The following TCF12 variants were observed in gnomAD, a reference collection of about 807,000 sequenced individuals.
The protein encoded by TCF12 is transcription factor 12.
TCF12 carries 45 observed loss-of-function variants against 86.0 expected under a neutral mutation model. The ratio of observed to expected loss-of-function variants is 0.52; its 90% confidence interval spans 0.41 to 0.67. The LOEUF (loss-of-function observed/expected upper bound fraction) is 0.67. Ranked by LOEUF, TCF12 falls within the 30% of genes least tolerant of loss-of-function variation. The pLI is 0.00. For missense variants in TCF12, 881 were observed against 859.9 expected (o/e 1.02, Z -0.31); for synonymous variants, 330 against 299.6 (o/e 1.10, Z -1.05).
At chr15:57,271,234 G>A (rs2061126167) in intron 18 of TCF12, among the ~76,000 whole-genome samples, 1 of 152,222 alleles carries the variant, frequency 6.6e-6, no homozygotes, top group Non-Finnish European at 1.5e-5. Context: ...CCCAGTTCGA[G>A]CTTCCCTGCC....
intron 3 of TCF12, among the ~76,000 whole-genome samples, chr15:56,988,985 C>A (rs1385290154): frequency 5.3e-5 from 8 of 151,968 alleles, no homozygotes; most frequent in Non-Finnish European, 1.0e-4. Flanking sequence ...CGTGTTTAAA[C>A]TGTTTACTGG....
At chr15:57,085,700 TTC>T (rs2048577800) in intron 4 of TCF12, among the ~76,000 whole-genome samples, 1 of 152,226 alleles carries the variant, frequency 6.6e-6, no homozygotes, top group Non-Finnish European at 1.5e-5. Flanking sequence ...AAGAACACTT[TTC>T]TCTCTTTGAA....
rs760403945 is a variant in TCF12 at position 57,282,461 on chromosome 15, C to T, written c.1995C>T (p.Pro665=). The T allele has an allele frequency of 6.2e-7, 1 of 1,614,156 alleles. No individual in the cohort carries two copies. Among genetic ancestry groups the T allele is most frequent in the East Asian group, 2.2e-5 (1 of 44,884 alleles). Residue 665 remains proline (P), a synonymous_variant, in exon 20 of 21, where the codon CCC becomes CCT. Coordinates refer to ENST00000333725, the MANE Select transcript of TCF12 (RefSeq NM_207037.2). The part of the protein sequence containing the change: ...EQQVRERNLN[P]KAACLKRREE... ...CTGTTTTAGAGAGGAACCTTAACCCCAAAGCAGCCTGCCTTAAGAGAAGGG... is the reference window on the plus strand; with the variant it reads ...CTGTTTTAGAGAGGAACCTTAACCCTAAAGCAGCCTGCCTTAAGAGAAGGG...
chr15:57,288,683 A>C lies in TCF12; in HGVS notation c.*2538A>C, dbSNP rs2062008940. 1 of 152,224 alleles carries C rather than the reference A, an allele frequency of 6.6e-6. No homozygotes were observed. Among genetic ancestry groups the C allele is most frequent in the African/African-American group, 2.4e-5 (1 of 41,448 alleles). 9.4% of individuals were successfully genotyped at this position (152,224 alleles called of 1,614,324 possible). A position where few individuals can be genotyped will look rare whatever the true frequency, so the allele number is the denominator to read the frequency against. ...ATCAGGCTTGTGGAGCTAAGTTGGC[A>C]ATCTGGTCTAGAGCTTCTCTAGCTT... On this transcript the variant is annotated 3_prime_UTR_variant, in exon 21 of 21. Transcript: ENST00000333725.
chr15:56,956,879 T>C (rs933071479), intron 3 of TCF12, among the ~76,000 whole-genome samples: 1 of 152,206 alleles, frequency 6.6e-6, no homozygotes, highest in African/African-American at 2.4e-5. Context: ...TTGCTTGGTA[T>C]TTGCTCAACT....
At chr15:57,215,628 CT>C (rs2058301015) in intron 8 of TCF12, among the ~76,000 whole-genome samples, 1 of 152,002 alleles carries the variant, frequency 6.6e-6, no homozygotes, top group South Asian at 2.1e-4. Flanking sequence ...GGAATGTTGC[CT>C]GTTTGTTTTA....
chr15:57,144,185 G>A (rs934928831), intron 5 of TCF12, among the ~76,000 whole-genome samples: 2 of 152,182 alleles, frequency 1.3e-5, no homozygotes, highest in African/African-American at 4.8e-5. Flanking sequence ...AGGGGTATCA[G>A]TTGGGAGCCA....
At chr15:57,064,065 T>TAGTA (rs1260307400) in intron 4 of TCF12, among the ~76,000 whole-genome samples, 3 of 152,236 alleles carry the variant, frequency 2.0e-5, no homozygotes, top group African/African-American at 4.8e-5. Flanking sequence ...TACAGTACTC[T>TAGTA]ACTAAAGAGC....
intron 3 of TCF12, among the ~76,000 whole-genome samples, chr15:56,928,374 T>C (rs1330150396): frequency 6.6e-6 from 1 of 152,204 alleles, no homozygotes; most frequent in Non-Finnish European, 1.5e-5. Flanking sequence ...AAGCCAGTAT[T>C]ATAGCTAGTG....
intron 3 of TCF12, among the ~76,000 whole-genome samples, chr15:56,983,830 T>G (rs1328820647): frequency 6.6e-6 from 1 of 150,864 alleles, no homozygotes; most frequent in Admixed American, 6.6e-5. Context: ...TGAGACTCCG[T>G]TTCTACAAAA....
rs201374206 is a variant in TCF12 at position 57,007,964 on chromosome 15, TCTCTCTCTCTCTCG to T, written c.149-55772_149-55759del. ...TCTTTTTTCTTTCTTTCTCTCTGTC[TCTCTCTCTCTCTCG>T]CTCTCTCTCTCTCTTTCTCTCACTG... On this transcript the variant is annotated intron_variant, in intron 3 of 20. Coordinates refer to ENST00000333725, the MANE Select transcript of TCF12 (RefSeq NM_207037.2). Among the ~76,000 whole-genome samples, 557 of 147,310 alleles carry T rather than the reference TCTCTCTCTCTCTCG, an allele frequency of 3.8e-3. 7 individuals carry two copies. Among genetic ancestry groups the T allele is most frequent in the Admixed American group, 0.02 (288 of 14,614 alleles).
chr15:56,940,538 TCTC>T (rs1350078675), intron 3 of TCF12, among the ~76,000 whole-genome samples: 3 of 147,022 alleles, frequency 2.0e-5, no homozygotes, highest in African/African-American at 5.2e-5. Flanking sequence ...TTCTCCTTCT[TCTC>T]CTTCTTCTTC....
chr15:57,222,340 T>A (rs2058638044), intron 8 of TCF12, among the ~76,000 whole-genome samples: 1 of 151,916 alleles, frequency 6.6e-6, no homozygotes, highest in African/African-American at 2.4e-5. Flanking sequence ...TATATTTTAT[T>A]ACCTAAAATT....
At chr15:57,222,758 ATTTTTTTTTTTTTTTTTTT>A (rs57645813) in intron 8 of TCF12, among the ~76,000 whole-genome samples, 84 of 45,534 alleles carry the variant, frequency 1.8e-3, no homozygotes, top group South Asian at 0.011. Flanking sequence ...AAGGACTGCC[ATTTTTTTTTTTTTTTTTTT>A]TTTTTTTTTT....
chr15:57,177,828 C>G (rs1597093073), intron 6 of TCF12, among the ~76,000 whole-genome samples: 1 of 151,938 alleles, frequency 6.6e-6, no homozygotes, highest in South Asian at 2.1e-4. Context: ...TTGGGTAATT[C>G]ACTGCAGCCT....
At chr15:57,066,197 A>C (rs1271279679) in intron 4 of TCF12, among the ~76,000 whole-genome samples, 1 of 152,136 alleles carries the variant, frequency 6.6e-6, no homozygotes, top group Non-Finnish European at 1.5e-5. Flanking sequence ...TTGGGGTTTC[A>C]TCTTTTAACA....
At chr15:57,251,603 T>C (rs1489128032) in intron 14 of TCF12, among the ~76,000 whole-genome samples, 180 bp downstream of exon 14, 3 of 152,232 alleles carry the variant, frequency 2.0e-5, no homozygotes, top group Non-Finnish European at 4.4e-5. Context: ...CATCTGTTCT[T>C]TGGGACATCA....
chr15:57,058,841 T>C (rs2068228424), intron 3 of TCF12, among the ~76,000 whole-genome samples: 1 of 152,226 alleles, frequency 6.6e-6, no homozygotes, highest in South Asian at 2.1e-4. Context: ...CATAGATTTA[T>C]TTCATGAGTG....
chr15:57,074,359 TTAA>T lies in TCF12; in HGVS notation c.222+10537_222+10539del, dbSNP rs771925650. On this transcript the variant is annotated intron_variant, in intron 4 of 20. Coordinates refer to ENST00000333725, the MANE Select transcript of TCF12 (RefSeq NM_207037.2). ...ATGAGAAATTTCATGCCCATTTTGA[TTAA>T]AAAAAAAAAAAAAAAAAAGATGTTA... Among the ~76,000 whole-genome samples, 646 of 97,010 alleles carry T rather than the reference TTAA, an allele frequency of 6.7e-3. 4 individuals carry two copies. Among genetic ancestry groups the T allele is most frequent in the Middle Eastern group, 0.025 (5 of 200 alleles). The allele number at this position is 97,010 out of a possible 152,430, so 63.6% of individuals were successfully genotyped here. A position where few individuals can be genotyped will look rare whatever the true frequency, so the allele number is the denominator to read the frequency against.
Sources: allele counts gnomAD v4.1 joint callset (sites outside exome capture counted in the v4.1 genomes callset), GRCh38; gene constraint gnomAD v4.1.1; transcripts MANE v1.5; gene names NCBI Gene and HGNC (gene_info 2026-07-23, HGNC 2026-07-21).